Variants in AFDN observed in about 807,000 individuals in gnomAD.
AFDN encodes the protein afadin.
Under a neutral mutation model 216.6 loss-of-function variants are expected in AFDN, and 68 were observed. That is an observed-to-expected ratio of 0.31 (90% confidence interval 0.26 to 0.38). The LOEUF (loss-of-function observed/expected upper bound fraction) is 0.38, where lower values mean the gene tolerates loss of function less well. Among genes scored for constraint, AFDN ranks in the 10% least tolerant of loss-of-function variants. AFDN has a pLI of 1.00. For missense variants in AFDN, 2,136 were observed against 2,342.0 expected (o/e 0.91, Z 1.82); for synonymous variants, 868 against 853.7 (o/e 1.02, Z -0.29).
Position 167,890,902 on chromosome 6 carries a change from C to T in AFDN, c.1050C>T (p.His350=), listed in dbSNP as rs764862860. 2 of 1,613,750 alleles carry T rather than the reference C, an allele frequency of 1.2e-6. No homozygotes were observed. The highest frequency in any genetic ancestry group is 1.1e-5 in the South Asian group (1 of 90,988). Residue 350 remains histidine (H), a synonymous_variant, in exon 8 of 34, where the codon CAC becomes CAT. Coordinates refer to ENST00000683244, the MANE Select transcript of AFDN (RefSeq NM_001386888.1). ...AGTTGAAGAGGAGGCCACCAGACCA[C>T]ATCCCAAAGAAAACCAAGAAACACT... ...VFQLKRRPPD[H]IPKKTKKHLE...
Position 167,944,044 on chromosome 6 carries a change from C to T in AFDN, c.3343C>T (p.Pro1115Ser), listed in dbSNP as rs148265377. The change falls in exon 26 of 34, where the codon CCC (proline) becomes TCC (serine). Residue 1115 changes from proline (P) to serine (S), a missense_variant. Transcript: ENST00000683244. ...GGCCACCCTTCTCAATCAGCCATCC[C>T]CCATGATGCAGAGAAGTAAGGACCA... The part of the protein sequence containing the change: ...GLATLLNQPS[P>S]MMQRISDRRG... 2.5e-6 allele frequency: 4 copies of T among 1,613,634 alleles called. No homozygotes were observed. The highest frequency in any genetic ancestry group is 2.7e-5 in the African/African-American group (2 of 74,894).
intron 1 of AFDN, among the ~76,000 whole-genome samples, chr6:167,838,288 G>T (rs773077220): frequency 2.7e-5 from 4 of 150,078 alleles, no homozygotes; most frequent in Admixed American, 2.0e-4. Flanking sequence ...GTGACGCTGC[G>T]CTTGTGGAGA....
Position 167,946,329 on chromosome 6 carries a change from C to T in AFDN, c.3359-378C>T, listed in dbSNP as rs9455924. ...GGAGCGGAAGGCTCACGTCACATGACGGCTGCTCAGAACGATGACGCTGGG... is the reference window on the plus strand; with the variant it reads ...GGAGCGGAAGGCTCACGTCACATGATGGCTGCTCAGAACGATGACGCTGGG... On this transcript the variant is annotated intron_variant, in intron 26 of 33. Coordinates refer to ENST00000683244, the MANE Select transcript of AFDN (RefSeq NM_001386888.1). Among the ~76,000 whole-genome samples, 655 of 152,244 alleles carry T rather than the reference C, an allele frequency of 4.3e-3. 6 individuals carry two copies. Among genetic ancestry groups the T allele is most frequent in the African/African-American group, 0.015 (613 of 41,526 alleles).
chr6:167,916,263 C>T (rs1189425335), intron 19 of AFDN, among the ~76,000 whole-genome samples: 3 of 152,106 alleles, frequency 2.0e-5, no homozygotes, highest in Non-Finnish European at 2.9e-5. Flanking sequence ...TAAGGACAGC[C>T]GACATTGGAC....
intron 5 of AFDN, among the ~76,000 whole-genome samples, chr6:167,878,580 A>G (rs902043979): frequency 9.8e-5 from 14 of 142,378 alleles, no homozygotes; most frequent in Non-Finnish European, 2.0e-4. Context: ...GCACGCACAC[A>G]CACCCACTCT....
intron 11 of AFDN, among the ~76,000 whole-genome samples, chr6:167,901,866 G>A (rs1251503495): frequency 6.6e-6 from 1 of 151,906 alleles, no homozygotes; most frequent in Non-Finnish European, 1.5e-5. Context: ...GCTGAGGTGG[G>A]CGGATCACCT....
At chr6:167,849,244 A>G (rs1200630654) in intron 1 of AFDN, among the ~76,000 whole-genome samples, 1 of 152,160 alleles carries the variant, frequency 6.6e-6, no homozygotes, top group Non-Finnish European at 1.5e-5. Flanking sequence ...CATTGTCATC[A>G]TTAGTATTTG....
chr6:167,892,112 T>C (rs1334628051), intron 8 of AFDN, among the ~76,000 whole-genome samples: 1 of 152,204 alleles, frequency 6.6e-6, no homozygotes, highest in East Asian at 1.9e-4. Context: ...CAGGAAGTGA[T>C]GGTATCATTT....
chr6:167,910,828 G>A (rs919971199), intron 13 of AFDN, among the ~76,000 whole-genome samples: 5 of 152,198 alleles, frequency 3.3e-5, no homozygotes, highest in African/African-American at 1.2e-4. Flanking sequence ...TAGACATGAA[G>A]TGTTCATTAA....
intron 3 of AFDN, among the ~76,000 whole-genome samples, chr6:167,871,451 A>G (rs2128250953): frequency 6.6e-6 from 1 of 152,348 alleles, no homozygotes; most frequent in East Asian, 1.9e-4. Flanking sequence ...TGCTCCAAGT[A>G]TCTATGAATC....
intron 21 of AFDN, 32 bp from the exon 22 acceptor site, chr6:167,922,824 T>G: frequency 6.9e-7 from 1 of 1,442,142 alleles, no homozygotes; most frequent in Non-Finnish European, 9.7e-7. Flanking sequence ...AGATGTGCTT[T>G]TTCACTTACA....
chr6:167,935,301 C>T (rs1043802025), intron 23 of AFDN, among the ~76,000 whole-genome samples: 3 of 152,152 alleles, frequency 2.0e-5, no homozygotes. Flanking sequence ...TTAAAGGATA[C>T]AAGATCTAAA....
chr6:167,930,344 G>C (rs944055109), intron 23 of AFDN, among the ~76,000 whole-genome samples: 2 of 152,206 alleles, frequency 1.3e-5, no homozygotes. Context: ...TATGATCTTA[G>C]TCACTTCATC....
chr6:167,954,320 C>A lies in AFDN; in HGVS notation c.4833+2133C>A, dbSNP rs1583037687. 1.1e-5 allele frequency: 6 copies of A among 555,840 alleles called. No individual in the cohort carries two copies. In the East Asian group the frequency reaches 1.9e-4, roughly 18 times the overall value. The allele number at this position is 555,840 out of a possible 1,614,324, so 34.4% of individuals were successfully genotyped here. A position where few individuals can be genotyped will look rare whatever the true frequency, so the allele number is the denominator to read the frequency against. ...CTAGAAGTTAGTCTGTAGTTCTTTA[C>A]CTTTCTCATCAAGTTGTCGAAACAC... On this transcript the variant is annotated intron_variant, in intron 30 of 33. Coordinates refer to ENST00000683244, the MANE Select transcript of AFDN (RefSeq NM_001386888.1).
At chr6:167,882,746 A>G (rs1562604045) in intron 6 of AFDN, among the ~76,000 whole-genome samples, 1 of 152,222 alleles carries the variant, frequency 6.6e-6, no homozygotes, top group Admixed American at 6.5e-5. Context: ...TTTAGTTTCT[A>G]GGTTGAAAAG....
intron 5 of AFDN, among the ~76,000 whole-genome samples, chr6:167,879,083 T>C (rs1054181856): frequency 6.6e-6 from 1 of 152,214 alleles, no homozygotes; most frequent in Non-Finnish European, 1.5e-5. Flanking sequence ...ATGTAAGCTG[T>C]TGAGGCAGGA....
intron 1 of AFDN, among the ~76,000 whole-genome samples, chr6:167,846,407 A>G (rs1781687586): frequency 6.6e-6 from 1 of 152,158 alleles, no homozygotes; most frequent in Non-Finnish European, 1.5e-5. Flanking sequence ...AAGATTCTCA[A>G]AATGAACTAT....
At position 167,889,322 on chromosome 6, in the gene AFDN, C is replaced by G; in HGVS notation, c.1005C>G (p.Asp335Glu). The G allele has an allele frequency of 1.2e-6, 2 of 1,603,252 alleles. No individual in the cohort carries two copies. Among genetic ancestry groups the G allele is most frequent in the South Asian group, 2.2e-5 (2 of 90,820 alleles). ...AAATCTTCAGGGAATGGCCAAGTGA[C>G]AAAGGTAGTAACCTTATTAAAGGAT... ...PLQIFREWPS[D>E]KGILVFQLKR... The change falls in exon 7 of 34, where the codon GAC becomes GAG. Residue 335 changes from aspartate (D) to glutamate (E), a missense_variant. Transcript: ENST00000683244.
chr6:167,949,834 C>T (rs562590508), intron 29 of AFDN, among the ~76,000 whole-genome samples: 2 of 132,832 alleles, frequency 1.5e-5, no homozygotes, highest in South Asian at 5.8e-4. Flanking sequence ...TAGTATACAG[C>T]TGCTACTTGT....
Sources: gnomAD v4.1 joint callset for allele counts (sites outside exome capture counted in the v4.1 genomes callset) on GRCh38, gnomAD v4.1.1 for gene constraint, MANE v1.5 for transcripts, NCBI Gene and HGNC (gene_info 2026-07-23, HGNC 2026-07-21) for gene names.